The following NT5M variants were observed in gnomAD, a reference collection of about 807,000 sequenced individuals.
NT5M encodes 5',3'-nucleotidase, mitochondrial.
In NT5M, 22 loss-of-function variants were observed where a neutral mutation model predicts 22.2. That is an observed-to-expected ratio of 0.99 (90% CI 0.71 to 1.41). NT5M has a LOEUF of 1.41. Ranked by LOEUF, NT5M falls within the 40% of genes most tolerant of loss-of-function variation. The pLI is 0.00. For missense variants in NT5M, 322 were observed against 314.8 expected (o/e 1.02, Z -0.17); for synonymous variants, 167 against 133.0 (o/e 1.26, Z -1.76).
chr17:17,303,805 G>A lies in NT5M; in HGVS notation c.255G>A (p.Arg85=). 6.6e-7 allele frequency: 1 copy of A among 1,521,672 alleles called. No homozygotes were observed. Among genetic ancestry groups the A allele is most frequent in the Non-Finnish European group, 8.8e-7 (1 of 1,130,042 alleles). 94.3% of individuals were successfully genotyped at this position (1,521,672 alleles called of 1,614,324 possible). ...FWVSEQYGRL[R]PGLSEKAISI... ...TGTCGGAGCAGTACGGCCGCCTGCG[G>A]CCAGGGCTGAGCGTGAGCGTCCCCG... Residue 85 remains arginine, a synonymous_variant, in exon 1 of 5, where the codon CGG becomes CGA. Coordinates refer to ENST00000389022, the MANE Select transcript of NT5M (RefSeq NM_020201.4).
intron 2 of NT5M, 129 bp downstream of exon 2, chr17:17,306,772 G>C (rs1228123625): frequency 1.5e-6 from 1 of 676,310 alleles, no homozygotes; most frequent in Non-Finnish European, 2.6e-6. Context: ...GGCTGCACTT[G>C]CCTCGTCATT....
rs767379241 is a variant in NT5M, at chr17:17,331,288, C to CTG, written c.429+8043_429+8044insTG. Among the ~76,000 whole-genome samples, 366 of 147,166 alleles carry CTG rather than the reference C, an allele frequency of 2.5e-3. 2 individuals carry two copies. The highest frequency in any genetic ancestry group is 4.1e-3 in the Non-Finnish European group (273 of 66,530). ...TTTCTTGGCGTGTTTCTGGCCCATACCGTGTTTATTTTAAAAATTGTTCAT... is the reference window on the plus strand; with the variant it reads ...TTTCTTGGCGTGTTTCTGGCCCATACTGCGTGTTTATTTTAAAAATTGTTCAT... On this transcript the variant is annotated intron_variant, in intron 3 of 4. Transcript: ENST00000389022.
At chr17:17,305,391 A>ACC (rs1292946321) in intron 1 of NT5M, among the ~76,000 whole-genome samples, 109 of 39,288 alleles carry the variant, frequency 2.8e-3, no homozygotes, top group Non-Finnish European at 4.5e-3. Flanking sequence ...GGTTAAAACA[A>ACC]CCGCCCCCCC....
chr17:17,319,121 G>A (rs1181276178), intron 2 of NT5M, among the ~76,000 whole-genome samples: 1 of 151,312 alleles, frequency 6.6e-6, no homozygotes, highest in Non-Finnish European at 1.5e-5. Flanking sequence ...GGCTGAGGTA[G>A]AAGAATTGCT....
intron 3 of NT5M, among the ~76,000 whole-genome samples, chr17:17,328,064 G>A (rs2049299353): frequency 6.6e-6 from 1 of 152,210 alleles, no homozygotes; most frequent in Admixed American, 6.6e-5. Context: ...AGGAAAGGTA[G>A]GGTTCGGGTA....
intron 3 of NT5M, among the ~76,000 whole-genome samples, chr17:17,343,520 A>AGT (rs1280368127): frequency 6.6e-6 from 1 of 152,132 alleles, no homozygotes; most frequent in African/African-American, 2.4e-5. Context: ...GCCTTTGTGA[A>AGT]GTGGGACTCC....
At chr17:17,321,703 T>C (rs1374128950) in intron 2 of NT5M, among the ~76,000 whole-genome samples, 1 of 151,608 alleles carries the variant, frequency 6.6e-6, no homozygotes, top group Non-Finnish European at 1.5e-5. Context: ...GTGGGAGCAG[T>C]GGGATAGCTG....
chr17:17,341,381 C>G (rs1409584422), intron 3 of NT5M, among the ~76,000 whole-genome samples: 2 of 152,216 alleles, frequency 1.3e-5, no homozygotes, highest in Non-Finnish European at 2.9e-5. Context: ...GTGGAAGTCA[C>G]TGGCTTGCCC....
At chr17:17,325,832 C>CA (rs2049255142) in intron 3 of NT5M, among the ~76,000 whole-genome samples, 1 of 152,202 alleles carries the variant, frequency 6.6e-6, no homozygotes, top group Non-Finnish European at 1.5e-5. Context: ...GGCCTCGGCC[C>CA]AGAAGTCTCC....
In NT5M at chr17:17,340,561, C is replaced by G. The variant is rs548190295; in HGVS notation, c.430-4233C>G. Among the ~76,000 whole-genome samples the G allele has an allele frequency of 1.5e-4, 23 of 151,390 alleles. No homozygotes were observed. In the South Asian group the frequency reaches 4.8e-3, roughly 32 times the overall value. ...TTTAATTTTGAGATGGAGCCTTGCTCTGTCGCCCAGGCTGGAGTGCAGTGG... is the reference window on the plus strand; with the variant it reads ...TTTAATTTTGAGATGGAGCCTTGCTGTGTCGCCCAGGCTGGAGTGCAGTGG... On this transcript the variant is annotated intron_variant, in intron 3 of 4. Transcript: ENST00000389022.
At chr17:17,306,435 TGA>T in intron 1 of NT5M, 106 bp from the exon 2 acceptor site, 2 of 757,366 alleles carry the variant, frequency 2.6e-6, no homozygotes, top group South Asian at 1.5e-5. Flanking sequence ...TTTGGGGGAG[TGA>T]GAGGAATGAA....
At chr17:17,345,329 G>T in intron 4 of NT5M, 1 of 961,930 alleles carries the variant, frequency 1.0e-6, no homozygotes, top group South Asian at 4.6e-5. Context: ...TGGGACAGAA[G>T]ACCCCCCTCC....
At position 17,347,015 on chromosome 17, in the gene NT5M, G is replaced by A. The variant is rs1207738955; in HGVS notation, c.*68G>A. ...GGGCTCCCAGCTCGGGGCCTGTGGG[G>A]CCAGTATGCTGGTCTGGGAGTCCCT... On this transcript the variant is annotated 3_prime_UTR_variant, in exon 5 of 5. Coordinates refer to ENST00000389022, the MANE Select transcript of NT5M (RefSeq NM_020201.4). 1.8e-5 allele frequency: 28 copies of A among 1,574,080 alleles called. No individual in the cohort carries two copies. The highest frequency in any genetic ancestry group is 2.4e-5 in the Non-Finnish European group (28 of 1,163,094).
Position 17,303,566 on chromosome 17 carries a change from G to A in NT5M, c.16G>A (p.Gly6Ser), listed in dbSNP as rs1332555004. The A allele has an allele frequency of 1.8e-6, 2 of 1,110,746 alleles. No individual in the cohort carries two copies. Among genetic ancestry groups the A allele is most frequent in the African/African-American group, 1.7e-5 (1 of 59,846 alleles). 68.8% of individuals were successfully genotyped at this position (1,110,746 alleles called of 1,614,324 possible). A position where few individuals can be genotyped will look rare whatever the true frequency, so the allele number is the denominator to read the frequency against. Residue 6 changes from glycine to serine, a missense_variant, in exon 1 of 5, where the codon GGC (glycine) becomes AGC (serine). Gly to Ser is a moderately conservative substitution (Grantham distance 56, BLOSUM62 0). Transcript: ENST00000389022. MIRLG[G>S]WCARRLCSAA... is the part of the protein sequence containing the mutation. Reference sequence around the variant, plus strand: ...GCGCTGGGCCATGATCCGGCTGGGCGGCTGGTGTGCGCGGCGGCTCTGCAG... The same window carrying A: ...GCGCTGGGCCATGATCCGGCTGGGCAGCTGGTGTGCGCGGCGGCTCTGCAG...
intron 3 of NT5M, among the ~76,000 whole-genome samples, chr17:17,335,019 A>G (rs1201708763): frequency 6.6e-6 from 1 of 151,584 alleles, no homozygotes; most frequent in Non-Finnish European, 1.5e-5. Context: ...GGCCACCTCT[A>G]CCTTCTCTCA....
chr17:17,310,852 ACCCTGT>A (rs1420984754), intron 2 of NT5M, among the ~76,000 whole-genome samples: 1 of 151,844 alleles, frequency 6.6e-6, no homozygotes, highest in African/African-American at 2.4e-5. Flanking sequence ...CAAGAGCGAG[ACCCTGT>A]CTAAAAAGAA....
At position 17,323,231 on chromosome 17, in the gene NT5M, T is replaced by C. The variant is rs1323568827; in HGVS notation, c.415T>C (p.Cys139Arg). Reference protein sequence around the residue: ...CTSPIKMFKYCPYEKYAWVEK... With the variant: ...CTSPIKMFKYRPYEKYAWVEK... The stretch of plus-strand genomic sequence containing the variant: ...AAGCCCCATCAAGATGTTCAAGTAC[T>C]GTCCCTATGAGAAGGTAAGGCGTGC... The change falls in exon 3 of 5, where the codon TGT becomes CGT. Residue 139 changes from cysteine (C) to arginine (R), a missense_variant. Physicochemically the swap from Cys to Arg is radical, Grantham distance 180 (BLOSUM62 -3). Coordinates refer to ENST00000389022, the MANE Select transcript of NT5M (RefSeq NM_020201.4). 6.2e-7 allele frequency: 1 copy of C among 1,613,908 alleles called. No homozygotes were observed. Among genetic ancestry groups the C allele is most frequent in the Non-Finnish European group, 8.5e-7 (1 of 1,179,864 alleles).
chr17:17,313,911 C>A (rs145742641), intron 2 of NT5M, among the ~76,000 whole-genome samples: 279 of 152,352 alleles, frequency 1.8e-3, no homozygotes, highest in African/African-American at 6.4e-3. Context: ...GCACGTCCTG[C>A]CCTGTTCCAG....
intron 3 of NT5M, among the ~76,000 whole-genome samples, chr17:17,338,871 C>T (rs1028456813): frequency 2.0e-5 from 3 of 151,702 alleles, no homozygotes; most frequent in Admixed American, 6.6e-5. Flanking sequence ...GGACTACAGG[C>T]GCCCGCCACC....
Sources: gnomAD v4.1 joint callset for allele counts (sites outside exome capture counted in the v4.1 genomes callset) on GRCh38, gnomAD v4.1.1 for gene constraint, MANE v1.5 for transcripts, NCBI Gene and HGNC (gene_info 2026-07-23, HGNC 2026-07-21) for gene names.